The following KBTBD3 variants were observed in gnomAD, a reference collection of about 807,000 sequenced individuals.
KBTBD3 encodes kelch repeat and BTB domain containing 3, also known as kelch repeat and BTB domain-containing protein 3.
In KBTBD3, 38 loss-of-function variants were observed where a neutral mutation model predicts 49.6. That is an observed-to-expected ratio of 0.77 (90% CI 0.59 to 1.00). KBTBD3 has a LOEUF of 1.00. Ranked by LOEUF, KBTBD3 falls within the 50% of genes least tolerant of loss-of-function variation. KBTBD3 has a pLI of 0.00. For synonymous variants in KBTBD3, 214 were observed against 250.4 expected (o/e 0.85, Z 1.37); for missense variants, 661 against 712.0 (o/e 0.93, Z 0.81).
intron 2 of KBTBD3, among the ~76,000 whole-genome samples, chr11:106,075,154 C>G (rs939146182): frequency 1.4e-4 from 22 of 152,142 alleles, no homozygotes; most frequent in African/African-American, 5.3e-4. Context: ...AGCCACAGAT[C>G]AGCACCAAGC....
rs1420652277 is a variant in KBTBD3 at position 106,076,598 on chromosome 11, GTCATTTA to G, written c.-111_-105del. On this transcript the variant is annotated 5_prime_UTR_variant, in exon 2 of 4. An upstream start codon of the reference 5' UTR is lost. Coordinates refer to ENST00000531837, the MANE Select transcript of KBTBD3 (RefSeq NM_198439.3). ...CCGCACTTTAATCGACCTCCAGGTA[GTCATTTA>G]CAGTCATCTGCAGAGACCAACTTTT... The G allele has an allele frequency of 6.6e-6, 1 of 152,164 alleles. No homozygotes were observed. The highest frequency in any genetic ancestry group is 1.5e-5 in the Non-Finnish European group (1 of 68,028). The allele number at this position is 152,164 out of a possible 1,614,324, so 9.4% of individuals were successfully genotyped here.
intron 2 of KBTBD3, among the ~76,000 whole-genome samples, chr11:106,059,710 T>G (rs1033278618): frequency 6.6e-6 from 1 of 152,214 alleles, no homozygotes; most frequent in African/African-American, 2.4e-5. Flanking sequence ...CACATATATC[T>G]TAATTAAGAA....
At chr11:106,064,087 A>T (rs1436664993) in intron 2 of KBTBD3, among the ~76,000 whole-genome samples, 1 of 152,234 alleles carries the variant, frequency 6.6e-6, no homozygotes, top group Non-Finnish European at 1.5e-5. Flanking sequence ...CAAGAGAAGC[A>T]GCTCTCTAAT....
In KBTBD3 at chr11:106,054,172, C is replaced by A. The variant is rs1331712461; in HGVS notation, c.517G>T (p.Ala173Ser). 6.2e-7 allele frequency: 1 copy of A among 1,612,946 alleles called. No homozygotes were observed. Reference protein sequence around the residue: ...SYGSTSLFDHALHFVQHHFSL... With the variant: ...SYGSTSLFDHSLHFVQHHFSL... ...AAGTGATGTTGTACAAAGTGTAATG[C>A]ATGATCAAACAAACTGGTGGAGCCA... Residue 173 changes from alanine (A) to serine (S), a missense_variant, in exon 4 of 4, where the codon GCA becomes TCA. Ala to Ser is a moderately conservative substitution (Grantham distance 99). Transcript: ENST00000531837.
chr11:106,073,087 T>C (rs555685569), intron 2 of KBTBD3, among the ~76,000 whole-genome samples: 6 of 152,044 alleles, frequency 3.9e-5, no homozygotes, highest in African/African-American at 9.6e-5. Context: ...CCATGCTTTG[T>C]ACTATATTTT....
At position 106,054,040 on chromosome 11, in the gene KBTBD3, T is replaced by G; in HGVS notation, c.649A>C (p.Lys217Gln). 6.2e-7 allele frequency: 1 copy of G among 1,613,758 alleles called. No individual in the cohort carries two copies. Among genetic ancestry groups the G allele is most frequent in the Non-Finnish European group, 8.5e-7 (1 of 1,179,818 alleles). Residue 217 changes from lysine to glutamine, a missense_variant, in exon 4 of 4, where the codon AAA becomes CAA. By Grantham distance (53) the Lys-to-Gln change is moderately conservative. Transcript: ENST00000531837. Reference sequence around the variant, plus strand: ...TGTTTAGTCCAACTAAGGACAACTTTCAGTACCATTTCTTCTTCAGGAACA... The same window carrying G: ...TGTTTAGTCCAACTAAGGACAACTTGCAGTACCATTTCTTCTTCAGGAACA... ...LNVPEEEMVL[K>Q]VVLSWTKHNL... is the part of the protein sequence containing the mutation.
chr11:106,056,612 A>G (rs542188832), intron 3 of KBTBD3, among the ~76,000 whole-genome samples: 1 of 152,350 alleles, frequency 6.6e-6, no homozygotes, highest in African/African-American at 2.4e-5. Context: ...GGTGCTAATT[A>G]TCACTTATAT....
intron 2 of KBTBD3, among the ~76,000 whole-genome samples, chr11:106,064,900 T>A (rs1356686767): frequency 6.6e-6 from 1 of 152,208 alleles, no homozygotes; most frequent in African/African-American, 2.4e-5. Context: ...AAGATATGTA[T>A]TTAAATCCCT....
chr11:106,064,298 C>G (rs1860761161), intron 2 of KBTBD3, among the ~76,000 whole-genome samples: 1 of 151,972 alleles, frequency 6.6e-6, no homozygotes, highest in African/African-American at 2.4e-5. Flanking sequence ...GTAATCCCAG[C>G]ACTTTAGGAG....
chr11:106,057,987 C>T lies in KBTBD3; in HGVS notation c.233+878G>A, dbSNP rs183826481. Reference sequence around the variant, plus strand: ...GCTGACACCATCAAAAAAATTTCTTCTGTCCCAGCGTAGTTCAAGGGATTA... The same window carrying T: ...GCTGACACCATCAAAAAAATTTCTTTTGTCCCAGCGTAGTTCAAGGGATTA... On this transcript the variant is annotated intron_variant, in intron 3 of 3. Coordinates refer to ENST00000531837, the MANE Select transcript of KBTBD3 (RefSeq NM_198439.3). The T allele has an allele frequency of 5.8e-5, 23 of 398,356 alleles. No homozygotes were observed. The East Asian group carries it at 8.2e-4, about 14-fold the overall frequency. The allele number at this position is 398,356 out of a possible 1,614,324, so 24.7% of individuals were successfully genotyped here.
intron 2 of KBTBD3, among the ~76,000 whole-genome samples, chr11:106,074,249 C>A (rs977433585): frequency 6.6e-6 from 1 of 152,058 alleles, no homozygotes; most frequent in South Asian, 2.1e-4. Context: ...GTCCTTTGAC[C>A]TTTTATTCCC....
chr11:106,062,732 T>C (rs1487967845), intron 2 of KBTBD3, among the ~76,000 whole-genome samples: 1 of 152,240 alleles, frequency 6.6e-6, no homozygotes, highest in Non-Finnish European at 1.5e-5. Context: ...ACATTCAGAA[T>C]GTCTGACCAA....
In KBTBD3 at chr11:106,053,723, T is replaced by C. The variant is rs779969971; in HGVS notation, c.966A>G (p.Lys322=). 6.2e-7 allele frequency: 1 copy of C among 1,613,678 alleles called. No individual in the cohort carries two copies. Among genetic ancestry groups the C allele is most frequent in the Non-Finnish European group, 8.5e-7 (1 of 1,179,888 alleles). ...FCYNIKSDSW[K]ILPQSHLIDL... ...CAATCAGGTGTGATTGCGGCAGTAT[T>C]TTCCATGAATCAGATTTAATGTTAT... The change falls in exon 4 of 4, where the codon AAA becomes AAG. Residue 322 remains lysine, a synonymous_variant. Transcript: ENST00000531837.
In KBTBD3 at chr11:106,051,601, C is replaced by T. The variant is rs1860420668; in HGVS notation, c.*1249G>A. The stretch of plus-strand genomic sequence containing the variant: ...TCTACACATTACCTGAGATGTAAAG[C>T]AGGGGTCTTAAAACCCAAAATGCCT... On this transcript the variant is annotated 3_prime_UTR_variant, in exon 4 of 4. Coordinates refer to ENST00000531837, the MANE Select transcript of KBTBD3 (RefSeq NM_198439.3). 6.6e-6 allele frequency: 1 copy of T among 151,820 alleles called. No individual in the cohort carries two copies. Among genetic ancestry groups the T allele is most frequent in the Admixed American group, 6.6e-5 (1 of 15,204 alleles). The allele number at this position is 151,820 out of a possible 1,614,324, so 9.4% of individuals were successfully genotyped here.
intron 2 of KBTBD3, among the ~76,000 whole-genome samples, chr11:106,066,893 A>T (rs1263129620): frequency 6.6e-6 from 1 of 152,166 alleles, no homozygotes; most frequent in Non-Finnish European, 1.5e-5. Context: ...ATATACATAC[A>T]TATGAAGACA....
At chr11:106,055,181 A>T (rs1860527105) in intron 3 of KBTBD3, among the ~76,000 whole-genome samples, 1 of 152,222 alleles carries the variant, frequency 6.6e-6, no homozygotes, top group Admixed American at 6.5e-5. Context: ...GTTTTGTTTT[A>T]TTGCTACATG....
At chr11:106,062,580 G>A (rs1486531911) in intron 2 of KBTBD3, among the ~76,000 whole-genome samples, 1 of 152,188 alleles carries the variant, frequency 6.6e-6, no homozygotes, top group Non-Finnish European at 1.5e-5. Flanking sequence ...AACTCAAATA[G>A]GCAGGATAAA....
intron 3 of KBTBD3, among the ~76,000 whole-genome samples, chr11:106,056,738 A>G (rs1251262148): frequency 1.3e-5 from 2 of 152,204 alleles, no homozygotes; most frequent in Non-Finnish European, 2.9e-5. Context: ...TGCCTAATAA[A>G]ACATGTCTAG....
rs776204518 is a variant in KBTBD3 at position 106,058,848 on chromosome 11, T to C, written c.233+17A>G. 4.2e-5 allele frequency: 59 copies of C among 1,416,296 alleles called. No homozygotes were observed. Among genetic ancestry groups the C allele is most frequent in the Non-Finnish European group, 4.9e-5 (50 of 1,027,448 alleles). The allele number at this position is 1,416,296 out of a possible 1,614,324, so 87.7% of individuals were successfully genotyped here. A position where few individuals can be genotyped will look rare whatever the true frequency, so the allele number is the denominator to read the frequency against. ...TATCCAAATCATAAAATCTGAGGCA[T>C]AGACAAGGTAAAGTACCTGAAAAAG... On this transcript the variant is annotated intron_variant, in intron 3 of 3. Transcript: ENST00000531837.
Sources: allele counts gnomAD v4.1 joint callset (sites outside exome capture counted in the v4.1 genomes callset), GRCh38; gene constraint gnomAD v4.1.1; transcripts MANE v1.5; gene names NCBI Gene and HGNC (gene_info 2026-07-23, HGNC 2026-07-21).